TYW1: variants seen among roughly 807,000 people sequenced by gnomAD.
The protein encoded by TYW1 is tRNA-yW synthesizing protein 1 homolog.
Under a neutral mutation model 96.2 loss-of-function variants are expected in TYW1, and 46 were observed. The ratio of observed to expected loss-of-function variants is 0.48; its 90% confidence interval spans 0.38 to 0.61. TYW1 has a LOEUF of 0.61. Among genes scored for constraint, TYW1 ranks in the 20% least tolerant of loss-of-function variants. TYW1 has a pLI of 0.00. For synonymous variants in TYW1, 274 were observed against 323.0 expected (o/e 0.85, Z 1.63); for missense variants, 684 against 909.6 (o/e 0.75, Z 3.19).
At chr7:67,032,852 T>C (rs1290886103) in intron 7 of TYW1, among the ~76,000 whole-genome samples, 5 of 150,994 alleles carry the variant, frequency 3.3e-5, no homozygotes, top group Non-Finnish European at 7.4e-5. Context: ...TCCTTCTTTT[T>C]TGAGCCCATT....
chr7:67,020,569 T>A (rs1198021162), intron 6 of TYW1, among the ~76,000 whole-genome samples: 1 of 152,254 alleles, frequency 6.6e-6, no homozygotes, highest in Non-Finnish European at 1.5e-5. Flanking sequence ...TCAGACCATG[T>A]TAACCTCCTG....
At chr7:67,092,669 AC>A (rs766374839) in intron 11 of TYW1, among the ~76,000 whole-genome samples, 40 of 106,190 alleles carry the variant, frequency 3.8e-4, no homozygotes, top group Non-Finnish European at 6.9e-4. Flanking sequence ...CGTGCCTATC[AC>A]CTTCTTTTTT....
intron 15 of TYW1, among the ~76,000 whole-genome samples, chr7:67,223,330 T>G (rs1435117979): frequency 3.3e-5 from 5 of 152,160 alleles, no homozygotes; most frequent in African/African-American, 9.6e-5. Context: ...TCTCAGTGTT[T>G]TCTGGAGTTT....
At chr7:67,029,659 A>G (rs1794608625) in intron 7 of TYW1, among the ~76,000 whole-genome samples, 1 of 151,868 alleles carries the variant, frequency 6.6e-6, no homozygotes, top group African/African-American at 2.4e-5. Context: ...TGACTCACAG[A>G]ACTCCCTGAA....
rs1800884345 is a variant in TYW1 at position 67,208,457 on chromosome 7, C to T, written c.1977+13120C>T. On this transcript the variant is annotated intron_variant, in intron 15 of 15. Transcript: ENST00000359626. ...CTGTAATCCCAGCACTTTGGGAGGC[C>T]GAGGTGGGCGGATCATGAGGTCAGA... Among the ~76,000 whole-genome samples, 9 of 151,876 alleles carry T rather than the reference C, an allele frequency of 5.9e-5. No individual in the cohort carries two copies. The South Asian group carries it at 1.2e-3, about 21-fold the overall frequency.
rs550565330 is a variant in TYW1, at chr7:67,116,728, A to T, written c.1563-755A>T. On this transcript the variant is annotated intron_variant, in intron 12 of 15. Coordinates refer to ENST00000359626, the MANE Select transcript of TYW1 (RefSeq NM_018264.4). ...AAAAGACCTACTAGAAGAAGGACCTACTAGAAATCTAGTAGGTAGGAATGA... is the reference window on the plus strand; with the variant it reads ...AAAAGACCTACTAGAAGAAGGACCTTCTAGAAATCTAGTAGGTAGGAATGA... Among the ~76,000 whole-genome samples the T allele has an allele frequency of 5.3e-5, 8 of 152,268 alleles. No individual in the cohort carries two copies. The East Asian group carries it at 9.6e-4, about 18-fold the overall frequency.
At chr7:67,203,993 T>C (rs1166385455) in intron 15 of TYW1, among the ~76,000 whole-genome samples, 1 of 152,244 alleles carries the variant, frequency 6.6e-6, no homozygotes, top group African/African-American at 2.4e-5. Context: ...TTTTCTCCTT[T>C]AGGTAAGATG....
chr7:67,174,621 C>A (rs531095490), intron 13 of TYW1, among the ~76,000 whole-genome samples: 118 of 144,778 alleles, frequency 8.2e-4, no homozygotes, highest in Non-Finnish European at 1.4e-3. Flanking sequence ...AAAAAAAGAA[C>A]AGAGCAGTAA....
chr7:67,076,371 T>C (rs1796204057), intron 10 of TYW1, among the ~76,000 whole-genome samples: 1 of 152,216 alleles, frequency 6.6e-6, no homozygotes, highest in Non-Finnish European at 1.5e-5. Context: ...TCAGTTGCTA[T>C]TTCTTTGTGA....
intron 7 of TYW1, among the ~76,000 whole-genome samples, chr7:67,049,298 T>C (rs1235373016): frequency 6.6e-6 from 1 of 152,188 alleles, no homozygotes; most frequent in African/African-American, 2.4e-5. Context: ...TCAGAGAAAA[T>C]AAACAACTTG....
intron 12 of TYW1, among the ~76,000 whole-genome samples, chr7:67,115,749 C>T (rs910241281): frequency 2.0e-5 from 3 of 152,166 alleles, no homozygotes; most frequent in Non-Finnish European, 4.4e-5. Context: ...AAGGCTGCTA[C>T]TGATACATAT....
chr7:67,066,033 C>A (rs13308852), intron 9 of TYW1, among the ~76,000 whole-genome samples: 12,409 of 104,204 alleles, frequency 0.12, 644 homozygotes, highest in Non-Finnish European at 0.16. Context: ...ACACACACAC[C>A]CACACCCCTA....
At chr7:67,203,950 T>C (rs1315522616) in intron 15 of TYW1, among the ~76,000 whole-genome samples, 1 of 152,252 alleles carries the variant, frequency 6.6e-6, no homozygotes, top group Non-Finnish European at 1.5e-5. Flanking sequence ...GCTTCTCTGG[T>C]ATCTGATGAA....
At chr7:67,144,319 C>CACA (rs1441887740) in intron 13 of TYW1, among the ~76,000 whole-genome samples, 3 of 152,336 alleles carry the variant, frequency 2.0e-5, no homozygotes, top group African/African-American at 7.2e-5. Flanking sequence ...TCTGGCAAGC[C>CACA]ACAAGGGAAT....
chr7:67,011,859 G>A (rs1269801217), intron 4 of TYW1, among the ~76,000 whole-genome samples: 3 of 143,374 alleles, frequency 2.1e-5, no homozygotes, highest in African/African-American at 5.2e-5. Flanking sequence ...GGCGACAAAA[G>A]CAAATCTCCG....
intron 10 of TYW1, among the ~76,000 whole-genome samples, chr7:67,072,985 T>C (rs1385775147): frequency 6.8e-6 from 1 of 146,786 alleles, no homozygotes; most frequent in Non-Finnish European, 1.5e-5. Flanking sequence ...GGTCTTGCTA[T>C]GTTTCTCAAG....
chr7:67,215,057 G>A (rs1173140233), intron 15 of TYW1, among the ~76,000 whole-genome samples: 2 of 149,706 alleles, frequency 1.3e-5, no homozygotes, highest in Non-Finnish European at 1.5e-5. Flanking sequence ...TTTTCATGAA[G>A]GTACTGCAGA....
At chr7:67,010,009 G>A (rs1343648627) in intron 4 of TYW1, among the ~76,000 whole-genome samples, 2 of 148,768 alleles carry the variant, frequency 1.3e-5, no homozygotes, top group Non-Finnish European at 3.0e-5. Flanking sequence ...TTGAGATGGA[G>A]TCTCACTATG....
At chr7:67,100,813 A>G (rs1225782289) in intron 12 of TYW1, among the ~76,000 whole-genome samples, 5 of 150,158 alleles carry the variant, frequency 3.3e-5, no homozygotes, top group African/African-American at 7.4e-5. Flanking sequence ...GCAGTGAGCC[A>G]AGATCACGCC....
Sources: allele counts gnomAD v4.1 joint callset (sites outside exome capture counted in the v4.1 genomes callset), GRCh38; gene constraint gnomAD v4.1.1; transcripts MANE v1.5; gene names NCBI Gene and HGNC (gene_info 2026-07-23, HGNC 2026-07-21).